The following ADIG variants were observed in gnomAD, a reference collection of about 807,000 sequenced individuals.
The protein encoded by ADIG is adipogenesis associated.
Under a neutral mutation model 10.7 loss-of-function variants are expected in ADIG, and 12 were observed. That is an observed-to-expected ratio of 1.12 (90% CI 0.72 to 1.82). ADIG has a LOEUF of 1.82. Ranked by LOEUF, ADIG falls within the 40% of genes most tolerant of loss-of-function variation. ADIG has a pLI of 0.00. For synonymous variants in ADIG, 32 were observed against 35.6 expected (o/e 0.90, Z 0.36); for missense variants, 72 against 92.5 (o/e 0.78, Z 0.91).
intron 2 of ADIG, 153 bp downstream of exon 2, chr20:38,586,314 G>A: frequency 6.3e-6 from 4 of 631,964 alleles, no homozygotes; most frequent in Non-Finnish European, 1.1e-5. Context: ...AGAGCCTTCT[G>A]CTTCATTGTG....
At chr20:38,583,600 A>C (rs1020647557) in intron 1 of ADIG, among the ~76,000 whole-genome samples, 4 of 152,194 alleles carry the variant, frequency 2.6e-5, no homozygotes, top group Non-Finnish European at 1.5e-5. Context: ...TGTGGGAGGA[A>C]ATGCAGGTGG....
rs149057816 is a variant in ADIG, at chr20:38,586,463, C to T, written c.*14+302C>T. Among the ~76,000 whole-genome samples the T allele has an allele frequency of 2.2e-3, 335 of 152,306 alleles. 2 individuals carry two copies. The highest frequency in any genetic ancestry group is 2.5e-3 in the Non-Finnish European group (169 of 68,022). ...GTCTTTGGCCAGCTGTTCCCTCAGA[C>T]GTCTGCGTGGGGCACTCCCTCCCCT... On this transcript the variant is annotated intron_variant, in intron 2 of 2. Coordinates refer to ENST00000537425, the MANE Select transcript of ADIG (RefSeq NM_001393816.1).
In ADIG at chr20:38,582,894, T is replaced by A. The variant is rs562775420; in HGVS notation, c.124+1520T>A. The stretch of plus-strand genomic sequence containing the variant: ...GTGCAGTGGCACAATCTCGGCTCAC[T>A]GCAACCTCTGCCTCCTGGCTTCAAG... On this transcript the variant is annotated intron_variant, in intron 1 of 2. Transcript: ENST00000537425. Among the ~76,000 whole-genome samples the A allele has an allele frequency of 3.9e-5, 6 of 152,302 alleles. No individual in the cohort carries two copies. In the South Asian group the frequency reaches 1.2e-3, roughly 32 times the overall value.
chr20:38,586,218 G>A, intron 2 of ADIG, 57 bp downstream of exon 2: 1 of 1,420,456 alleles, frequency 7.0e-7, no homozygotes, highest in Non-Finnish European at 9.7e-7. Context: ...GCCTTGGGCA[G>A]CTGCTATGTG....
intron 1 of ADIG, among the ~76,000 whole-genome samples, chr20:38,582,704 C>T (rs763761231): frequency 6.6e-6 from 1 of 152,124 alleles, no homozygotes; most frequent in African/African-American, 2.4e-5. Context: ...CTGAGGGGCA[C>T]GGTTTAGGCA....
At position 38,586,137 on chromosome 20, in the gene ADIG, C is replaced by G. The variant is rs1315359324; in HGVS notation, c.233C>G (p.Pro78Arg). The G allele has an allele frequency of 6.3e-7, 1 of 1,593,644 alleles. No homozygotes were observed. Among genetic ancestry groups the G allele is most frequent in the Admixed American group, 1.8e-5 (1 of 57,032 alleles). ...CTCCACGGCCAAGAGAAGGAGAGGC[C>G]CTGCTGGTGAGCCTGCTGTGCCAGG... ...GTLHGQEKER[P>R]CW Residue 78 changes from proline to arginine, a missense_variant, in exon 2 of 3, where the codon CCC (proline) becomes CGC (arginine). By Grantham distance (103) the Pro-to-Arg change is moderately radical (BLOSUM62 -2). Coordinates refer to ENST00000537425, the MANE Select transcript of ADIG (RefSeq NM_001393816.1).
intron 2 of ADIG, among the ~76,000 whole-genome samples, chr20:38,587,862 C>T (rs975668795): frequency 7.9e-5 from 12 of 151,952 alleles, no homozygotes; most frequent in Admixed American, 5.2e-4. Flanking sequence ...CTTATCCTCC[C>T]GAGTAGCTGG....
In ADIG at chr20:38,585,606, C is replaced by T. The variant is rs997554063; in HGVS notation, c.125-423C>T. On this transcript the variant is annotated intron_variant, in intron 1 of 2. Coordinates refer to ENST00000537425, the MANE Select transcript of ADIG (RefSeq NM_001393816.1). The stretch of plus-strand genomic sequence containing the variant: ...CACAGTTTCCAGGTGTTTTATTGTT[C>T]GTGTGTGCGTGTTTCATCACAAAAC... 63 of 1,369,780 alleles carry T rather than the reference C, an allele frequency of 4.6e-5. No individual in the cohort carries two copies. The Middle Eastern group carries it at 5.6e-4, about 12-fold the overall frequency. 84.9% of individuals were successfully genotyped at this position (1,369,780 alleles called of 1,614,324 possible). A position where few individuals can be genotyped will look rare whatever the true frequency, so the allele number is the denominator to read the frequency against.
intron 2 of ADIG, among the ~76,000 whole-genome samples, chr20:38,587,059 T>C (rs539419271): frequency 6.6e-5 from 10 of 152,236 alleles, no homozygotes; most frequent in Admixed American, 5.2e-4. Flanking sequence ...TGACACCCTC[T>C]CATGCCTAGA....
rs776261368 is a variant in ADIG, at chr20:38,581,403, C to A, written c.124+29C>A. On this transcript the variant is annotated intron_variant, in intron 1 of 2. Transcript: ENST00000537425. ...AGCTTCTTACCCCGTCCAGGCAGGA[C>A]CCTAATCCTGGAGCTAGGCAGGGGG... is the stretch of plus-strand genomic sequence containing the variant. The A allele has an allele frequency of 6.8e-6, 11 of 1,613,344 alleles. No individual in the cohort carries two copies. In the Middle Eastern group the frequency reaches 5.0e-4, roughly 74 times the overall value.
intron 1 of ADIG, among the ~76,000 whole-genome samples, chr20:38,583,459 T>A (rs1021120105): frequency 1.3e-5 from 2 of 152,164 alleles, no homozygotes; most frequent in Non-Finnish European, 2.9e-5. Flanking sequence ...CCCCTTGGGG[T>A]TGTGACAGGC....
intron 1 of ADIG, among the ~76,000 whole-genome samples, chr20:38,583,539 G>C (rs180964775): frequency 3.6e-4 from 55 of 152,330 alleles, no homozygotes; most frequent in African/African-American, 1.1e-3. Context: ...CTGGCACATC[G>C]TAGGTTCCTG....
chr20:38,586,981 CTA>C (rs2088643162), intron 2 of ADIG, among the ~76,000 whole-genome samples: 1 of 152,164 alleles, frequency 6.6e-6, no homozygotes. Flanking sequence ...GATGCCATCT[CTA>C]TACCAATGGC....
In ADIG at chr20:38,588,451, C is replaced by T; in HGVS notation, c.*365C>T. 4 of 1,209,644 alleles carry T rather than the reference C, an allele frequency of 3.3e-6. No homozygotes were observed. Among genetic ancestry groups the T allele is most frequent in the African/African-American group, 1.6e-5 (1 of 62,788 alleles). The allele number at this position is 1,209,644 out of a possible 1,614,324, so 74.9% of individuals were successfully genotyped here. ...AGGGTCTTCCCATACCCGGGGGACC[C>T]CTGACAAACCTACCAGGCCTGACCA... On this transcript the variant is annotated 3_prime_UTR_variant, in exon 3 of 3. Transcript: ENST00000537425.
chr20:38,585,462 A>G (rs1258331794), intron 1 of ADIG: 4 of 1,550,512 alleles, frequency 2.6e-6, no homozygotes, highest in Admixed American at 2.0e-5. Context: ...AGATACAGAT[A>G]TGATGCAAAC....
chr20:38,586,572 G>A (rs976415875), intron 2 of ADIG, among the ~76,000 whole-genome samples: 4 of 152,056 alleles, frequency 2.6e-5, no homozygotes, highest in Non-Finnish European at 5.9e-5. Context: ...CCTATCCTCC[G>A]CATCGTGCTG....
chr20:38,581,245 T>C lies in ADIG; in HGVS notation c.-6T>C, dbSNP rs571162106. ...CAGGCTGGCCCAGCTTAGCCACACA[T>C]GCGCCATGAAGTACCCTTTGATGCC... On this transcript the variant is annotated 5_prime_UTR_variant, in exon 1 of 3. An upstream start codon of the reference 5' UTR is lost. Coordinates refer to ENST00000537425, the MANE Select transcript of ADIG (RefSeq NM_001393816.1). 1 of 1,607,224 alleles carries C rather than the reference T, an allele frequency of 6.2e-7. No homozygotes were observed. The highest frequency in any genetic ancestry group is 8.5e-7 in the Non-Finnish European group (1 of 1,176,764).
chr20:38,581,410 C>T (rs2145576761), intron 1 of ADIG, 36 bp downstream of exon 1: 2 of 1,613,130 alleles, frequency 1.2e-6, no homozygotes, highest in African/African-American at 2.7e-5. Context: ...GGACCCTAAT[C>T]CTGGAGCTAG....
At chr20:38,583,193 A>C (rs1294540940) in intron 1 of ADIG, among the ~76,000 whole-genome samples, 1 of 152,226 alleles carries the variant, frequency 6.6e-6, no homozygotes, top group Non-Finnish European at 1.5e-5. Flanking sequence ...ACCTTGTGCT[A>C]AACACTGGAC....
Sources: gnomAD v4.1 joint callset for allele counts (sites outside exome capture counted in the v4.1 genomes callset) on GRCh38, gnomAD v4.1.1 for gene constraint, MANE v1.5 for transcripts, NCBI Gene and HGNC (gene_info 2026-07-23, HGNC 2026-07-21) for gene names.